TEX14: variants seen among roughly 807,000 people sequenced by gnomAD.
TEX14 encodes testis expressed 14, intercellular bridge forming factor.
TEX14 carries 168 observed loss-of-function variants against 178.6 expected under a neutral mutation model. The observed-to-expected ratio is 0.94, with a 90% CI of 0.83 to 1.07. The LOEUF is 1.07. Among genes scored for constraint, TEX14 ranks in the 50% least tolerant of loss-of-function variants. The pLI, the probability that TEX14 is intolerant of heterozygous loss-of-function variation, is 0.00. For missense variants in TEX14, 1,730 were observed against 1,753.6 expected, an observed-to-expected ratio of 0.99 and a Z score of 0.24; for synonymous variants, 626 against 634.1, an observed-to-expected ratio of 0.99 and a Z score of 0.19.
chr17:58,594,152 A>C (rs558159446), intron 14 of TEX14, among the ~76,000 whole-genome samples: 1 of 152,086 alleles, frequency 6.6e-6, no homozygotes, highest in Non-Finnish European at 1.5e-5. Flanking sequence ...GTCTTTACCC[A>C]GAAATGTTGG....
At chr17:58,590,567 GTTGT>G (rs1430015167) in intron 15 of TEX14, among the ~76,000 whole-genome samples, 1 of 143,746 alleles carries the variant, frequency 7.0e-6, no homozygotes, top group Non-Finnish European at 1.5e-5. Flanking sequence ...TGTTGTTGTT[GTTGT>G]TTGAGACAGG....
chr17:58,631,842 C>T (rs748701032), intron 2 of TEX14: 7 of 152,166 alleles, frequency 4.6e-5, no homozygotes, highest in Non-Finnish European at 5.9e-5. Context: ...GTCTTAATGT[C>T]CATTTATGTG....
intron 2 of TEX14, among the ~76,000 whole-genome samples, chr17:58,648,757 CTTCT>C (rs1233154663): frequency 2.0e-5 from 3 of 151,124 alleles, no homozygotes; most frequent in African/African-American, 7.3e-5. Context: ...AAGCCACAGC[CTTCT>C]AATCCTGTGA....
intron 1 of TEX14, among the ~76,000 whole-genome samples, chr17:58,687,236 C>A (rs1022330534): frequency 6.6e-5 from 10 of 152,086 alleles, no homozygotes; most frequent in African/African-American, 2.2e-4. Context: ...GTCTTGCAAG[C>A]CTACTCTGGA....
intron 11 of TEX14, among the ~76,000 whole-genome samples, chr17:58,603,724 C>T (rs1035978000): frequency 2.6e-5 from 4 of 150,976 alleles, no homozygotes; most frequent in Non-Finnish European, 5.9e-5. Context: ...CATGGTGGCA[C>T]GCGCCTGTAG....
chr17:58,590,534 T>TTTGTTGTTG (rs76273680), intron 15 of TEX14, among the ~76,000 whole-genome samples: 4,609 of 149,430 alleles, frequency 0.031, 104 homozygotes, highest in Non-Finnish European at 0.043. Flanking sequence ...TCCAACTATT[T>TTTGTTGTTG]TTGTTGTTGT....
intron 14 of TEX14, among the ~76,000 whole-genome samples, chr17:58,597,552 T>C (rs748955959): frequency 1.3e-5 from 2 of 152,154 alleles, no homozygotes; most frequent in Non-Finnish European, 2.9e-5. Context: ...CGCCTTCCAA[T>C]GAGGCAGACC....
chr17:58,652,908 G>A (rs541159950), intron 1 of TEX14, among the ~76,000 whole-genome samples: 1 of 152,160 alleles, frequency 6.6e-6, no homozygotes, highest in South Asian at 2.1e-4. Context: ...CTGTAACATG[G>A]GGATAATAAT....
At chr17:58,618,966 C>T (rs1359519790) in intron 5 of TEX14, among the ~76,000 whole-genome samples, 1 of 152,176 alleles carries the variant, frequency 6.6e-6, no homozygotes, top group African/African-American at 2.4e-5. Context: ...AGTAAACAGA[C>T]CATAAGAAAA....
At chr17:58,607,797 T>C (rs1004102400) in intron 10 of TEX14, among the ~76,000 whole-genome samples, 1 of 152,212 alleles carries the variant, frequency 6.6e-6, no homozygotes, top group African/African-American at 2.4e-5. Context: ...TGAACCATTT[T>C]AAGTTTTTCC....
rs566481917 is a variant in TEX14, at chr17:58,617,579, C to T, written c.595G>A (p.Val199Ile). Residue 199 changes from valine to isoleucine, a missense_variant, in exon 6 of 32, where the codon GTC becomes ATC. Physicochemically the swap from Val to Ile is conservative, Grantham distance 29. This residue lies in a region of TEX14 where 789 missense variants were observed against 681.2 expected (regional missense o/e 1.16). Transcript: ENST00000349033. ...GSPNRLLKAG[V>I]ISAQNIYSFG... ...CTGTAGATATTTTGAGCAGAAATGA[C>T]TCCAGCTTTAAGCAGTCGGTTAGGA... 123 of 1,613,872 alleles carry T rather than the reference C, an allele frequency of 7.6e-5. 3 individuals carry two copies. The South Asian group carries it at 1.3e-3, about 17-fold the overall frequency.
At chr17:58,581,774 T>C in intron 19 of TEX14, 1 of 1,597,818 alleles carries the variant, frequency 6.3e-7, no homozygotes, top group Non-Finnish European at 8.5e-7. Flanking sequence ...CTGTTCATTG[T>C]AACGAAATCC....
At position 58,599,128 on chromosome 17, in the gene TEX14, T is replaced by C. The variant is rs756547857; in HGVS notation, c.2217A>G (p.Thr739=). ...KCVLDLKIMQ[T]IMHENDDRLR... is the part of the protein sequence containing the mutation. Reference sequence around the variant, plus strand: ...GCCTATCATCATTCTCGTGCATTATTGTCTGCATAATCTTTAGATCCAGCA... The same window carrying C: ...GCCTATCATCATTCTCGTGCATTATCGTCTGCATAATCTTTAGATCCAGCA... Residue 739 remains threonine (T), a synonymous_variant, in exon 14 of 32, where the codon ACA becomes ACG. Transcript: ENST00000349033. 6 of 1,614,208 alleles carry C rather than the reference T, an allele frequency of 3.7e-6. No homozygotes were observed. The highest frequency in any genetic ancestry group is 4.2e-6 in the Non-Finnish European group (5 of 1,180,036).
chr17:58,581,216 C>T (rs970500829), intron 19 of TEX14, among the ~76,000 whole-genome samples: 6 of 151,586 alleles, frequency 4.0e-5, no homozygotes, highest in Admixed American at 3.3e-4. Flanking sequence ...GAGGCTGAGG[C>T]AGGAGAATCG....
At chr17:58,620,644 C>T (rs1475431240) in intron 5 of TEX14, among the ~76,000 whole-genome samples, 2 of 152,088 alleles carry the variant, frequency 1.3e-5, no homozygotes, top group Non-Finnish European at 2.9e-5. Flanking sequence ...CAGGTGCATG[C>T]CACCACACCC....
chr17:58,664,074 A>G (rs1164263380), intron 1 of TEX14, among the ~76,000 whole-genome samples: 4 of 151,876 alleles, frequency 2.6e-5, no homozygotes, highest in Non-Finnish European at 5.9e-5. Flanking sequence ...CAAAAACCCA[A>G]CTCCACACTA....
intron 20 of TEX14, among the ~76,000 whole-genome samples, chr17:58,579,373 C>G (rs989968231): frequency 6.6e-6 from 1 of 152,106 alleles, no homozygotes; most frequent in Non-Finnish European, 1.5e-5. Flanking sequence ...CACCAAGGAG[C>G]CTGAAAGCTT....
At chr17:58,587,866 C>CCCCCCGTT in intron 16 of TEX14, 30 bp downstream of exon 16, 1 of 1,537,758 alleles carries the variant, frequency 6.5e-7, no homozygotes, top group Non-Finnish European at 9.0e-7. Context: ...CCCGCTCCAC[C>CCCCCCGTT]ACCAGTTTCC....
intron 1 of TEX14, among the ~76,000 whole-genome samples, chr17:58,666,290 G>A (rs1015292802): frequency 6.6e-6 from 1 of 151,884 alleles, no homozygotes; most frequent in Non-Finnish European, 1.5e-5. Context: ...GGAGGCTGCG[G>A]TGAGCCGAGA....
Sources: allele counts gnomAD v4.1 joint callset (sites outside exome capture counted in the v4.1 genomes callset), GRCh38; gene constraint gnomAD v4.1.1; regional missense constraint gnomAD v4.1.1; transcripts MANE v1.5; gene names NCBI Gene and HGNC (gene_info 2026-07-23, HGNC 2026-07-21).